Variants in TRPM3 observed in about 807,000 individuals in gnomAD.
The protein encoded by TRPM3 is long transient receptor potential channel 3.
In TRPM3, 77 loss-of-function variants were observed where a neutral mutation model predicts 181.2. The ratio of observed to expected loss-of-function variants is 0.42; its 90% confidence interval spans 0.35 to 0.51. The LOEUF (loss-of-function observed/expected upper bound fraction) is 0.51. Among genes scored for constraint, TRPM3 ranks in the 20% least tolerant of loss-of-function variants. The pLI is 0.01. For synonymous variants in TRPM3, 745 were observed against 796.4 expected, an observed-to-expected ratio of 0.94 and a Z score of 1.09; for missense variants, 1,759 against 2,196.7, an observed-to-expected ratio of 0.80 and a Z score of 3.98.
At chr9:70,853,613 C>T (rs2095304658) in intron 3 of TRPM3, among the ~76,000 whole-genome samples, 1 of 152,174 alleles carries the variant, frequency 6.6e-6, no homozygotes, top group African/African-American at 2.4e-5. Flanking sequence ...TGACAAGCTA[C>T]TCAAAGTATC....
At chr9:70,695,859 C>T (rs1261361748) in intron 8 of TRPM3, among the ~76,000 whole-genome samples, 4 of 152,146 alleles carry the variant, frequency 2.6e-5, no homozygotes, top group African/African-American at 4.8e-5. Flanking sequence ...ACCATGCAGG[C>T]GGAAAGGCTG....
At chr9:70,751,361 AT>A (rs995760573) in intron 8 of TRPM3, among the ~76,000 whole-genome samples, 1 of 152,182 alleles carries the variant, frequency 6.6e-6, no homozygotes, top group Non-Finnish European at 1.5e-5. Context: ...ATAGAAAAAT[AT>A]TTCACCAGGA....
chr9:71,055,388 T>C (rs143250966), intron 1 of TRPM3, among the ~76,000 whole-genome samples: 21 of 152,148 alleles, frequency 1.4e-4, no homozygotes, highest in African/African-American at 4.3e-4. Flanking sequence ...GAGGAAATTA[T>C]AGGTGTCTTC....
chr9:71,246,980 CTAG>C (rs2082069671), intron 1 of TRPM3, among the ~76,000 whole-genome samples: 1 of 152,148 alleles, frequency 6.6e-6, no homozygotes, highest in Admixed American at 6.6e-5. Context: ...TGTTAAAGTG[CTAG>C]ATTCAGGGAA....
At chr9:71,312,542 C>T (rs1391001508) in intron 1 of TRPM3, among the ~76,000 whole-genome samples, 1 of 152,056 alleles carries the variant, frequency 6.6e-6, no homozygotes, top group African/African-American at 2.4e-5. Flanking sequence ...AGCAATTGTA[C>T]CCCTACACAT....
chr9:70,994,431 C>G (rs1163540681), intron 1 of TRPM3, among the ~76,000 whole-genome samples: 2 of 152,180 alleles, frequency 1.3e-5, no homozygotes, highest in African/African-American at 4.8e-5. Context: ...TTGAAAACTA[C>G]CTGACTTTGA....
chr9:71,049,910 T>C lies in TRPM3; in HGVS notation c.177+71268A>G, dbSNP rs115349124. ...AAGCTAATAATAACCTGCTTCCAAATCTGCCATACAACACTGTTCTGATAG... is the reference window on the plus strand; with the variant it reads ...AAGCTAATAATAACCTGCTTCCAAACCTGCCATACAACACTGTTCTGATAG... On this transcript the variant is annotated intron_variant, in intron 1 of 25. Transcript: ENST00000677713. 8.1e-3 allele frequency among the ~76,000 whole-genome samples: 1,237 copies of C among 152,286 alleles called. 17 individuals carry two copies. Among genetic ancestry groups the C allele is most frequent in the African/African-American group, 0.028 (1,153 of 41,558 alleles).
Position 71,153,105 on chromosome 9 carries a change from A to G in TRPM3, c.184-288594T>C, listed in dbSNP as rs573247921. Among the ~76,000 whole-genome samples the G allele has an allele frequency of 9.2e-5, 14 of 152,210 alleles. No homozygotes were observed. In the East Asian group the frequency reaches 2.5e-3, roughly 27 times the overall value. ...CATCAAAATCAGAGCAGTCATAGTA[A>G]TACTGAGCCCAGGGAAAGCAGTACC... On this transcript the variant is annotated intron_variant, in intron 1 of 24. Transcript: ENST00000357533.
At chr9:70,629,857 C>T (rs1037171147) in intron 12 of TRPM3, among the ~76,000 whole-genome samples, 3 of 152,290 alleles carry the variant, frequency 2.0e-5, no homozygotes, top group Non-Finnish European at 4.4e-5. Flanking sequence ...TAGGGAATTA[C>T]TTTTACCTTT....
chr9:71,164,218 T>C (rs2076417781), intron 1 of TRPM3, among the ~76,000 whole-genome samples: 1 of 152,248 alleles, frequency 6.6e-6, no homozygotes, highest in African/African-American at 2.4e-5. Context: ...TGAAAGCTAA[T>C]TTACCAACCA....
chr9:71,344,241 A>T (rs544525513), intron 1 of TRPM3, among the ~76,000 whole-genome samples: 1 of 152,172 alleles, frequency 6.6e-6, no homozygotes, highest in South Asian at 2.1e-4. Context: ...CCTGAGGTCA[A>T]GAGTTCGAGA....
At chr9:70,977,081 G>A (rs2097310799) in intron 1 of TRPM3, among the ~76,000 whole-genome samples, 1 of 152,166 alleles carries the variant, frequency 6.6e-6, no homozygotes, top group Non-Finnish European at 1.5e-5. Flanking sequence ...TATAAACTAT[G>A]TTTTTGCCAT....
At chr9:70,937,851 A>G (rs2096844206) in intron 1 of TRPM3, among the ~76,000 whole-genome samples, 1 of 144,188 alleles carries the variant, frequency 6.9e-6, no homozygotes, top group African/African-American at 2.6e-5. Context: ...CTGACTAGAT[A>G]TTCATACTAA....
chr9:70,695,979 A>G (rs1189224556), intron 8 of TRPM3, among the ~76,000 whole-genome samples: 1 of 152,154 alleles, frequency 6.6e-6, no homozygotes, highest in East Asian at 1.9e-4. Context: ...GAACTTGCTC[A>G]AGGGCAGGTA....
At chr9:71,107,171 C>T (rs901228388) in intron 1 of TRPM3, among the ~76,000 whole-genome samples, 7 of 152,142 alleles carry the variant, frequency 4.6e-5, no homozygotes, top group Non-Finnish European at 1.5e-5. Flanking sequence ...GAGGCAGTCC[C>T]TCACGCCACT....
intron 1 of TRPM3, among the ~76,000 whole-genome samples, chr9:71,003,035 T>G (rs572536651): frequency 6.6e-6 from 1 of 152,214 alleles, no homozygotes; most frequent in Non-Finnish European, 1.5e-5. Context: ...AATATAAAAC[T>G]AATCTACTGG....
intron 8 of TRPM3, among the ~76,000 whole-genome samples, chr9:70,754,135 T>A (rs1006241103): frequency 6.6e-6 from 1 of 152,096 alleles, no homozygotes; most frequent in African/African-American, 2.4e-5. Flanking sequence ...AGACAGGAGC[T>A]CCAGGAGGCA....
At chr9:70,747,277 G>T (rs1194091370) in intron 8 of TRPM3, among the ~76,000 whole-genome samples, 1 of 152,032 alleles carries the variant, frequency 6.6e-6, no homozygotes, top group Non-Finnish European at 1.5e-5. Context: ...AATAAAGGAG[G>T]CAAATGGATT....
At chr9:71,136,260 A>G (rs530417739) in intron 1 of TRPM3, among the ~76,000 whole-genome samples, 1 of 152,164 alleles carries the variant, frequency 6.6e-6, no homozygotes, top group Non-Finnish European at 1.5e-5. Flanking sequence ...TAGTGGCTCA[A>G]GAAGGTTTAA....
Sources: gnomAD v4.1 joint callset for allele counts (sites outside exome capture counted in the v4.1 genomes callset) on GRCh38, gnomAD v4.1.1 for gene constraint, MANE v1.5 for transcripts, NCBI Gene and HGNC (gene_info 2026-07-23, HGNC 2026-07-21) for gene names.